Variants in KCNAB1 observed in about 807,000 individuals in gnomAD.
KCNAB1 encodes the protein potassium voltage-gated channel subfamily A regulatory beta subunit 1.
KCNAB1 carries 35 observed loss-of-function variants against 64.6 expected under a neutral mutation model. The ratio of observed to expected loss-of-function variants is 0.54; its 90% CI spans 0.41 to 0.72. The LOEUF (loss-of-function observed/expected upper bound fraction) is 0.72, where lower values mean the gene tolerates loss of function less well. Ranked by LOEUF, KCNAB1 falls within the 30% of genes least tolerant of loss-of-function variation. The pLI, the probability that KCNAB1 is intolerant of heterozygous loss-of-function variation, is 0.00. For synonymous variants in KCNAB1, 177 were observed against 183.8 expected (o/e 0.96, Z 0.30); for missense variants, 401 against 512.9 (o/e 0.78, Z 2.11).
intron 1 of KCNAB1, among the ~76,000 whole-genome samples, chr3:156,400,192 C>G (rs1713787251): frequency 6.6e-6 from 1 of 152,198 alleles, no homozygotes; most frequent in Non-Finnish European, 1.5e-5. Context: ...GATGTTAATG[C>G]TTTAAAATGT....
At chr3:156,295,571 T>G (rs368623141) in intron 1 of KCNAB1, among the ~76,000 whole-genome samples, 1 of 152,150 alleles carries the variant, frequency 6.6e-6, no homozygotes, top group East Asian at 1.9e-4. Flanking sequence ...GGTTATTGTT[T>G]GAAGGCAGAA....
In KCNAB1 at chr3:156,515,210, C is replaced by T. The variant is rs1717474592; in HGVS notation, c.855C>T (p.Tyr285=). 2.5e-6 allele frequency: 4 copies of T among 1,609,408 alleles called. No homozygotes were observed. Among genetic ancestry groups the T allele is most frequent in the Non-Finnish European group, 3.4e-6 (4 of 1,178,462 alleles). ...EKVEVQLPEL[Y]HKIGVGAMTW... The stretch of plus-strand genomic sequence containing the variant: ...TGGAGGTCCAGCTGCCAGAGCTCTA[C>T]CACAAAATAGGTAATCTTCAAAATA... Residue 285 remains tyrosine, a synonymous_variant, in exon 10 of 14, where the codon TAC becomes TAT. Coordinates refer to ENST00000490337, the MANE Select transcript of KCNAB1 (RefSeq NM_172160.3).
chr3:156,473,274 T>C (rs1714069623), intron 7 of KCNAB1, among the ~76,000 whole-genome samples: 1 of 152,158 alleles, frequency 6.6e-6, no homozygotes, highest in South Asian at 2.1e-4. Flanking sequence ...GACTAGAGAA[T>C]TGAGTCTCAA....
intron 2 of KCNAB1, among the ~76,000 whole-genome samples, chr3:156,441,828 G>C (rs1279148349): frequency 2.0e-5 from 3 of 152,074 alleles, no homozygotes; most frequent in African/African-American, 7.2e-5. Context: ...GAGGAATTTT[G>C]ACCAAGACAT....
At chr3:156,412,897 G>C (rs1403505815) in intron 1 of KCNAB1, among the ~76,000 whole-genome samples, 1 of 152,192 alleles carries the variant, frequency 6.6e-6, no homozygotes, top group Non-Finnish European at 1.5e-5. Context: ...CCAGGTTTGA[G>C]CTTCATTGTT....
chr3:156,287,324 C>T (rs973812659), intron 1 of KCNAB1, among the ~76,000 whole-genome samples: 1 of 149,656 alleles, frequency 6.7e-6, no homozygotes, highest in Non-Finnish European at 1.5e-5. Context: ...TTATTTGGCC[C>T]CGTGCAATGT....
intron 1 of KCNAB1, among the ~76,000 whole-genome samples, chr3:156,178,963 T>C (rs1712587531): frequency 1.5e-5 from 2 of 134,406 alleles, no homozygotes. Context: ...ATCGCGCCAC[T>C]GCACTCCAAC....
intron 1 of KCNAB1, chr3:156,291,393 C>T (rs1004274760): frequency 5.0e-6 from 5 of 995,806 alleles, no homozygotes; most frequent in Non-Finnish European, 6.0e-6. Context: ...TGGGATGCTC[C>T]GCGCGCCAGT....
chr3:156,402,187 T>C (rs983446166), intron 1 of KCNAB1, among the ~76,000 whole-genome samples: 1 of 151,786 alleles, frequency 6.6e-6, no homozygotes, highest in Non-Finnish European at 1.5e-5. Context: ...GAAAAAGTGT[T>C]GTGGGTGGGA....
intron 1 of KCNAB1, among the ~76,000 whole-genome samples, chr3:156,418,784 T>C (rs932351993): frequency 6.6e-6 from 1 of 152,210 alleles, no homozygotes; most frequent in South Asian, 2.1e-4. Context: ...ACTTTAAAAG[T>C]GACCACCTGA....
At chr3:156,298,546 A>G (rs1485274562) in intron 1 of KCNAB1, among the ~76,000 whole-genome samples, 2 of 152,250 alleles carry the variant, frequency 1.3e-5, no homozygotes, top group African/African-American at 4.8e-5. Context: ...AAGGAAAATC[A>G]GATTCCTAAA....
At chr3:156,416,158 C>T (rs182020319) in intron 1 of KCNAB1, among the ~76,000 whole-genome samples, 13 of 152,328 alleles carry the variant, frequency 8.5e-5, no homozygotes, top group Admixed American at 1.3e-4. Context: ...CACCATTTCT[C>T]ATCAGGATTA....
chr3:156,403,038 C>G (rs192504414), intron 1 of KCNAB1, among the ~76,000 whole-genome samples: 5 of 152,288 alleles, frequency 3.3e-5, no homozygotes, highest in Admixed American at 2.0e-4. Context: ...TAACATTTAC[C>G]TCTACTACTT....
intron 1 of KCNAB1, among the ~76,000 whole-genome samples, chr3:156,148,475 GCTAATAGTGCT>G (rs746752669): frequency 1.7e-4 from 26 of 152,322 alleles, no homozygotes; most frequent in Admixed American, 7.8e-4. Context: ...CCTTTTCCCT[GCTAATAGTGCT>G]CTAGCCCCAT....
chr3:156,206,510 C>T (rs1714672984), intron 1 of KCNAB1, among the ~76,000 whole-genome samples: 1 of 152,196 alleles, frequency 6.6e-6, no homozygotes, highest in Non-Finnish European at 1.5e-5. Context: ...AGCCTAGAAA[C>T]ATCAGTGAAC....
At chr3:156,212,538 G>A (rs748988517) in intron 1 of KCNAB1, among the ~76,000 whole-genome samples, 21 of 152,160 alleles carry the variant, frequency 1.4e-4, no homozygotes, top group Non-Finnish European at 2.5e-4. Context: ...GGATGTTACT[G>A]GCTATGTGGG....
At chr3:156,448,434 A>G (rs1390147430) in intron 2 of KCNAB1, among the ~76,000 whole-genome samples, 4 of 152,184 alleles carry the variant, frequency 2.6e-5, no homozygotes, top group Non-Finnish European at 4.4e-5. Flanking sequence ...AAATCATAGA[A>G]ACAGAGTTCT....
chr3:156,373,402 A>G (rs962690408), intron 1 of KCNAB1, among the ~76,000 whole-genome samples: 2 of 152,180 alleles, frequency 1.3e-5, no homozygotes, highest in African/African-American at 4.8e-5. Context: ...CATTTTCCAT[A>G]AAGGATAATT....
intron 8 of KCNAB1, among the ~76,000 whole-genome samples, chr3:156,499,955 T>C (rs1369953323): frequency 6.6e-6 from 1 of 152,184 alleles, no homozygotes; most frequent in African/African-American, 2.4e-5. Flanking sequence ...CCCTGCTTTC[T>C]CAGGTGCCCA....
Sources: gnomAD v4.1 joint callset for allele counts (sites outside exome capture counted in the v4.1 genomes callset) on GRCh38, gnomAD v4.1.1 for gene constraint, MANE v1.5 for transcripts, NCBI Gene and HGNC (gene_info 2026-07-23, HGNC 2026-07-21) for gene names.